Variants in RGMA observed in about 807,000 individuals in gnomAD.
The protein encoded by RGMA is repulsive guidance molecule BMP co-receptor a.
RGMA carries 10 observed loss-of-function variants against 23.2 expected under a neutral mutation model. The observed-to-expected ratio is 0.43, with a 90% CI of 0.27 to 0.73. RGMA has a LOEUF of 0.73. Ranked by LOEUF, RGMA falls within the 30% of genes least tolerant of loss-of-function variation. The pLI is 0.20. For synonymous variants in RGMA, 308 were observed against 279.3 expected (o/e 1.10, Z -1.03); for missense variants, 547 against 630.5 (o/e 0.87, Z 1.42).
chr15:93,085,928 C>T (rs1183014095), intron 1 of RGMA, among the ~76,000 whole-genome samples: 1 of 152,202 alleles, frequency 6.6e-6, no homozygotes, highest in Non-Finnish European at 1.5e-5. Context: ...TGTATGCATA[C>T]TTGGGTAAGG....
Position 93,038,566 on chromosome 15 carries a change from G to GTTTTTTTTTTTTT in RGMA, c.*6431_*6432insAAAAAAAAAAAAA, listed in dbSNP as rs1178389064. 6 of 84,488 alleles carry GTTTTTTTTTTTTT rather than the reference G, an allele frequency of 7.1e-5. No individual in the cohort carries two copies. The highest frequency in any genetic ancestry group is 1.7e-4 in the African/African-American group (4 of 23,674). The allele number at this position is 84,488 out of a possible 1,614,324, so 5.2% of individuals were successfully genotyped here. On this transcript the variant is annotated 3_prime_UTR_variant, in exon 4 of 4. Transcript: ENST00000329082. ...ATTGCCTTAATGAACGAAACTGTTA[G>GTTTTTTTTTTTTT]TTGTTTTTTTTTTTTTTTTGAGACG...
chr15:93,080,253 G>A (rs925361767), intron 1 of RGMA, among the ~76,000 whole-genome samples: 4 of 152,042 alleles, frequency 2.6e-5, no homozygotes, highest in Non-Finnish European at 5.9e-5. Flanking sequence ...GGCTGGAGTA[G>A]CATGGCACAA....
chr15:93,048,990 CAG>C (rs1486576567), intron 3 of RGMA, among the ~76,000 whole-genome samples: 3 of 152,372 alleles, frequency 2.0e-5, no homozygotes, highest in Non-Finnish European at 4.4e-5. Context: ...CCATCTCTCG[CAG>C]AGACAGCCTC....
At chr15:93,082,289 C>T (rs1895571061) in intron 1 of RGMA, among the ~76,000 whole-genome samples, 1 of 152,178 alleles carries the variant, frequency 6.6e-6, no homozygotes, top group African/African-American at 2.4e-5. Context: ...TCACGGATAA[C>T]CTTGACTTCT....
intron 1 of RGMA, among the ~76,000 whole-genome samples, chr15:93,079,152 C>CT (rs2141846458): frequency 6.6e-6 from 1 of 152,350 alleles, no homozygotes; most frequent in African/African-American, 2.4e-5. Context: ...ACCCACGTTC[C>CT]TGGGGGATCC....
chr15:93,082,912 T>C (rs1002567333), intron 1 of RGMA, among the ~76,000 whole-genome samples: 8 of 152,248 alleles, frequency 5.3e-5, no homozygotes, highest in African/African-American at 1.9e-4. Context: ...TATCAGTTCA[T>C]TGGAGTTCTT....
At chr15:93,087,107 G>T (rs1396232517) in intron 1 of RGMA, among the ~76,000 whole-genome samples, 1 of 152,000 alleles carries the variant, frequency 6.6e-6, no homozygotes, top group Non-Finnish European at 1.5e-5. Flanking sequence ...ATGGAAGCAG[G>T]GTACTTGAAA....
At chr15:93,073,673 C>G in intron 1 of RGMA, 1 of 1,537,264 alleles carries the variant, frequency 6.5e-7, no homozygotes, top group Admixed American at 2.0e-5. Context: ...TCCGAGTTGT[C>G]TAGGTCTGGG....
At chr15:93,088,774 A>G in intron 1 of RGMA, 145 bp downstream of exon 1, 1 of 837,620 alleles carries the variant, frequency 1.2e-6, no homozygotes, top group Non-Finnish European at 1.8e-6. Flanking sequence ...ATAGAGGCGC[A>G]GCAAAGCTCC....
Position 93,039,376 on chromosome 15 carries a change from A to G in RGMA, c.*5622T>C, listed in dbSNP as rs2054697578. Reference sequence around the variant, plus strand: ...AGCCCCACCTTCTTATTAGACCCCAAAGGCCATCATTTCTTTTCTTAAAAT... The same window carrying G: ...AGCCCCACCTTCTTATTAGACCCCAGAGGCCATCATTTCTTTTCTTAAAAT... On this transcript the variant is annotated 3_prime_UTR_variant, in exon 4 of 4. Coordinates refer to ENST00000329082, the MANE Select transcript of RGMA (RefSeq NM_020211.3). 6.6e-6 allele frequency: 1 copy of G among 152,032 alleles called. No individual in the cohort carries two copies. Among genetic ancestry groups the G allele is most frequent in the African/African-American group, 2.4e-5 (1 of 41,368 alleles). The allele number at this position is 152,032 out of a possible 1,614,324, so 9.4% of individuals were successfully genotyped here.
intron 3 of RGMA, among the ~76,000 whole-genome samples, chr15:93,050,692 G>A (rs1304035332): frequency 6.6e-6 from 1 of 152,206 alleles, no homozygotes; most frequent in Non-Finnish European, 1.5e-5. Flanking sequence ...TGGCTCTGTT[G>A]TCGCATTTGG....
intron 3 of RGMA, among the ~76,000 whole-genome samples, chr15:93,050,983 C>G (rs925473671): frequency 1.6e-4 from 24 of 152,076 alleles, no homozygotes; most frequent in African/African-American, 5.8e-4. Flanking sequence ...CCTGAGTATG[C>G]GGAGGGCTGC....
intron 1 of RGMA, among the ~76,000 whole-genome samples, chr15:93,077,286 A>G (rs543985880): frequency 2.7e-4 from 41 of 152,334 alleles, no homozygotes; most frequent in African/African-American, 9.6e-4. Context: ...TAAAAAGATT[A>G]GAGTTGCCCA....
chr15:93,051,454 A>G (rs917115088), intron 3 of RGMA, among the ~76,000 whole-genome samples: 1 of 152,204 alleles, frequency 6.6e-6, no homozygotes, highest in African/African-American at 2.4e-5. Flanking sequence ...CCTCTGGCTA[A>G]GTCCGATTCA....
At chr15:93,058,370 C>A (rs1406039084) in intron 2 of RGMA, among the ~76,000 whole-genome samples, 1 of 152,206 alleles carries the variant, frequency 6.6e-6, no homozygotes. Flanking sequence ...TTCTGAGCTA[C>A]AGGCATGCAC....
At chr15:93,047,008 A>G (rs931638920) in intron 3 of RGMA, among the ~76,000 whole-genome samples, 1 of 152,228 alleles carries the variant, frequency 6.6e-6, no homozygotes, top group African/African-American at 2.4e-5. Context: ...GGTCGGTGAC[A>G]TTACTCTCAA....
At chr15:93,050,334 G>A (rs963970823) in intron 3 of RGMA, among the ~76,000 whole-genome samples, 12 of 152,336 alleles carry the variant, frequency 7.9e-5, no homozygotes, top group East Asian at 1.9e-4. Context: ...GGTGCCTGAA[G>A]CCAGCCACCG....
chr15:93,055,209 C>T (rs1048310439), intron 2 of RGMA, among the ~76,000 whole-genome samples: 29 of 152,258 alleles, frequency 1.9e-4, no homozygotes, highest in African/African-American at 6.7e-4. Flanking sequence ...GCTCAAGCTC[C>T]GGTTCACCTG....
At chr15:93,076,759 C>T (rs1457279155) in intron 1 of RGMA, among the ~76,000 whole-genome samples, 2 of 152,136 alleles carry the variant, frequency 1.3e-5, no homozygotes, top group East Asian at 1.9e-4. Flanking sequence ...CGCTTAAGTA[C>T]GCACCCAATA....
Sources: allele counts gnomAD v4.1 joint callset (sites outside exome capture counted in the v4.1 genomes callset), GRCh38; gene constraint gnomAD v4.1.1; transcripts MANE v1.5; gene names NCBI Gene and HGNC (gene_info 2026-07-23, HGNC 2026-07-21).